Variants in RORA observed in about 807,000 individuals in gnomAD.
RORA encodes the protein nuclear receptor ROR-alpha.
RORA carries 7 observed loss-of-function variants against 69.5 expected under a neutral mutation model. That is an observed-to-expected ratio of 0.10 (90% CI 0.06 to 0.19). RORA has a LOEUF of 0.19. Ranked by LOEUF, RORA falls within the 10% of genes least tolerant of loss-of-function variation. The pLI, the probability that RORA is intolerant of heterozygous loss-of-function variation, is 1.00. For missense variants in RORA, 457 were observed against 663.0 expected (o/e 0.69, Z 3.41); for synonymous variants, 261 against 240.8 (o/e 1.08, Z -0.78).
At chr15:60,753,539 A>T (rs1484463401) in intron 1 of RORA, among the ~76,000 whole-genome samples, 1 of 152,226 alleles carries the variant, frequency 6.6e-6, no homozygotes, top group Non-Finnish European at 1.5e-5. Flanking sequence ...TCACATGTGA[A>T]TTTCACAACC....
At chr15:60,987,678 C>A (rs565530730) in intron 1 of RORA, among the ~76,000 whole-genome samples, 1 of 152,162 alleles carries the variant, frequency 6.6e-6, no homozygotes, top group Non-Finnish European at 1.5e-5. Context: ...GTGAAGGCAC[C>A]TCACTTCTTT....
intron 1 of RORA, among the ~76,000 whole-genome samples, chr15:61,102,033 A>G (rs893287): frequency 0.62 from 93,418 of 151,826 alleles, 28,952 homozygotes; most frequent in Middle Eastern, 0.73. Flanking sequence ...GGTTAAGAAC[A>G]CACCCTAACA....
At chr15:60,863,635 GC>G (rs1218354370) in intron 1 of RORA, among the ~76,000 whole-genome samples, 8 of 152,092 alleles carry the variant, frequency 5.3e-5, no homozygotes, top group Admixed American at 4.6e-4. Context: ...GCATAATACT[GC>G]CATCTACCTT....
chr15:60,980,502 C>T (rs542319289), intron 1 of RORA, among the ~76,000 whole-genome samples: 1 of 152,144 alleles, frequency 6.6e-6, no homozygotes, highest in Non-Finnish European at 1.5e-5. Flanking sequence ...ATGGAGTCAT[C>T]TGGTCCTGAG....
At chr15:61,138,839 AT>A (rs760327990) in intron 1 of RORA, among the ~76,000 whole-genome samples, 62 of 152,320 alleles carry the variant, frequency 4.1e-4, no homozygotes, top group African/African-American at 1.3e-3. Context: ...AAATAAAAAA[AT>A]AAATTAAATT....
chr15:60,817,146 A>AT (rs2072829389), intron 1 of RORA, among the ~76,000 whole-genome samples: 1 of 152,172 alleles, frequency 6.6e-6, no homozygotes, highest in African/African-American at 2.4e-5. Context: ...TTAAAATCTA[A>AT]TTTTTTAGCA....
chr15:60,662,286 C>T (rs921186214), intron 2 of RORA, among the ~76,000 whole-genome samples: 9 of 152,298 alleles, frequency 5.9e-5, no homozygotes, highest in African/African-American at 2.2e-4. Flanking sequence ...AGGGTGGAGT[C>T]TCATAAACCA....
At chr15:60,968,526 C>CAGCT (rs1893620695) in intron 1 of RORA, among the ~76,000 whole-genome samples, 1 of 152,210 alleles carries the variant, frequency 6.6e-6, no homozygotes, top group Admixed American at 6.5e-5. Context: ...GGAGCTCCAA[C>CAGCT]AGCTACTCAA....
chr15:60,597,569 T>C lies in RORA; in HGVS notation c.197-65718A>G, dbSNP rs1567115267. On this transcript the variant is annotated intron_variant, in intron 2 of 10. Transcript: ENST00000335670. ...CACACAACATATATATATATATATATATATACACATATATATATATATATA... is the reference window on the plus strand; with the variant it reads ...CACACAACATATATATATATATATACATATACACATATATATATATATATA... Among the ~76,000 whole-genome samples the C allele has an allele frequency of 2.1e-4, 7 of 33,764 alleles. 1 individual carries two copies. The highest frequency in any genetic ancestry group is 9.5e-4 in the African/African-American group (7 of 7,358). 22.2% of individuals were successfully genotyped at this position (33,764 alleles called of 152,430 possible).
Position 61,114,962 on chromosome 15 carries a change from T to G in RORA, c.166+114091A>C, listed in dbSNP as rs1375815158. ...CCTATTCATTTAAAACGCTGACTAG[T>G]TATTTAGCAGTGCTTTAAAAAATAT... On this transcript the variant is annotated intron_variant, in intron 1 of 10. Transcript: ENST00000335670. Among the ~76,000 whole-genome samples the G allele has an allele frequency of 2.2e-4, 33 of 152,264 alleles. 1 individual carries two copies. The highest frequency in any genetic ancestry group is 2.2e-3 in the Admixed American group (33 of 15,290).
Position 60,880,226 on chromosome 15 carries a change from C to A in RORA, c.167-201540G>T, listed in dbSNP as rs1327821750. On this transcript the variant is annotated intron_variant, in intron 1 of 10. Transcript: ENST00000335670. ...AAGCCCATGTATTTCTATTCCCTCA[C>A]CCACTCCTCACCCTGGCATTGGTTT... Among the ~76,000 whole-genome samples, 3 of 152,216 alleles carry A rather than the reference C, an allele frequency of 2.0e-5. No homozygotes were observed. In the East Asian group the frequency reaches 5.8e-4, roughly 29 times the overall value.
At chr15:61,024,103 A>G (rs1015678488) in intron 1 of RORA, among the ~76,000 whole-genome samples, 4 of 152,034 alleles carry the variant, frequency 2.6e-5, no homozygotes, top group African/African-American at 9.7e-5. Context: ...GCACAACACC[A>G]AGAGAGAGAG....
chr15:61,112,995 C>T (rs116174422), intron 1 of RORA, among the ~76,000 whole-genome samples: 1,801 of 152,286 alleles, frequency 0.012, 38 homozygotes, highest in African/African-American at 0.042. Flanking sequence ...AGCCCAAGGA[C>T]GAGAATGAAT....
intron 1 of RORA, among the ~76,000 whole-genome samples, chr15:60,701,805 A>G (rs2070986020): frequency 6.6e-6 from 1 of 152,176 alleles, no homozygotes; most frequent in African/African-American, 2.4e-5. Flanking sequence ...TCTGGAGGGA[A>G]GAGTGATGAG....
At chr15:61,188,193 T>C (rs28754581) in intron 1 of RORA, among the ~76,000 whole-genome samples, 23,650 of 151,606 alleles carry the variant, frequency 0.16, 2,647 homozygotes, top group African/African-American at 0.3. Flanking sequence ...TAGATGGGAG[T>C]GGGGATAGGG....
intron 1 of RORA, among the ~76,000 whole-genome samples, chr15:60,989,464 T>C (rs896901263): frequency 1.3e-5 from 2 of 152,252 alleles, no homozygotes; most frequent in African/African-American, 4.8e-5. Context: ...TATCCATTAA[T>C]CAGTTGATGG....
At chr15:61,104,403 A>G (rs1178114444) in intron 1 of RORA, among the ~76,000 whole-genome samples, 1 of 152,182 alleles carries the variant, frequency 6.6e-6, no homozygotes, top group Non-Finnish European at 1.5e-5. Flanking sequence ...TTGCAAACAC[A>G]ACAGGAGGAT....
At chr15:60,860,021 C>T (rs952116864) in intron 1 of RORA, among the ~76,000 whole-genome samples, 2 of 152,184 alleles carry the variant, frequency 1.3e-5, no homozygotes, top group African/African-American at 4.8e-5. Context: ...GGGAACAGAA[C>T]TGGACGTGCC....
intron 1 of RORA, among the ~76,000 whole-genome samples, chr15:61,094,934 A>C (rs2078766504): frequency 6.6e-6 from 1 of 152,256 alleles, no homozygotes; most frequent in South Asian, 2.1e-4. Flanking sequence ...GGCAGAGAAA[A>C]GGGGAAGAGG....
Sources: allele counts gnomAD v4.1 joint callset (sites outside exome capture counted in the v4.1 genomes callset), GRCh38; gene constraint gnomAD v4.1.1; transcripts MANE v1.5; gene names NCBI Gene and HGNC (gene_info 2026-07-23, HGNC 2026-07-21).